Variants in DOCK1 observed in about 807,000 individuals in gnomAD.
DOCK1 encodes dedicator of cytokinesis 1, also known as dedicator of cytokinesis protein 1.
In DOCK1, 138 loss-of-function variants were observed where a neutral mutation model predicts 262.7. The observed-to-expected ratio is 0.53, with a 90% CI of 0.46 to 0.61. The LOEUF (loss-of-function observed/expected upper bound fraction) is 0.61. Among genes scored for constraint, DOCK1 ranks in the 20% least tolerant of loss-of-function variants. DOCK1 has a pLI of 0.00. For synonymous variants in DOCK1, 866 were observed against 867.4 expected (o/e 1.00, Z 0.03); for missense variants, 1,908 against 2,370.7 (o/e 0.80, Z 4.05).
intron 27 of DOCK1, among the ~76,000 whole-genome samples, chr10:127,165,031 C>G (rs1288451105): frequency 6.6e-6 from 1 of 152,192 alleles, no homozygotes; most frequent in Non-Finnish European, 1.5e-5. Flanking sequence ...ATTTTGGTGG[C>G]ACTGGCTATC....
intron 13 of DOCK1, among the ~76,000 whole-genome samples, chr10:127,022,695 C>T (rs549549549): frequency 2.6e-5 from 4 of 152,146 alleles, no homozygotes; most frequent in African/African-American, 4.8e-5. Flanking sequence ...CTCGCCTGGC[C>T]GGTCCTCATT....
intron 12 of DOCK1, 192 bp from the exon 13 acceptor site, chr10:127,018,518 G>C: frequency 1.3e-6 from 1 of 742,924 alleles, no homozygotes; most frequent in Non-Finnish European, 2.1e-6. Context: ...TGGCATCCCA[G>C]CTCGTTGGAT....
At position 127,452,249 on chromosome 10, in the gene DOCK1, C is replaced by T. The variant is rs770016549; in HGVS notation, c.*822C>T. 3.5e-4 allele frequency: 53 copies of T among 152,184 alleles called. No homozygotes were observed. Among genetic ancestry groups the T allele is most frequent in the Non-Finnish European group, 5.1e-4 (35 of 68,000 alleles). 9.4% of individuals were successfully genotyped at this position (152,184 alleles called of 1,614,324 possible). A position where few individuals can be genotyped will look rare whatever the true frequency, so the allele number is the denominator to read the frequency against. ...TGGTCCTTCCGTTTATTATAATAGG[C>T]GTCCACCAATGATTATCCATATGTG... On this transcript the variant is annotated 3_prime_UTR_variant, in exon 52 of 52. Coordinates refer to ENST00000623213, the MANE Select transcript of DOCK1 (RefSeq NM_001290223.2).
intron 27 of DOCK1, among the ~76,000 whole-genome samples, chr10:127,129,316 TTTAAAC>T (rs1441085447): frequency 1.3e-5 from 2 of 152,346 alleles, no homozygotes; most frequent in African/African-American, 2.4e-5. Flanking sequence ...TTTTAAAGTG[TTTAAAC>T]TTAAAGTTTA....
chr10:127,083,411 T>TC (rs35737211), intron 23 of DOCK1, among the ~76,000 whole-genome samples: 2 of 152,178 alleles, frequency 1.3e-5, no homozygotes, highest in Non-Finnish European at 2.9e-5. Flanking sequence ...GCCAGCGATC[T>TC]CCCCACCCTT....
chr10:127,209,756 A>G (rs924528877), intron 27 of DOCK1, among the ~76,000 whole-genome samples: 3 of 152,230 alleles, frequency 2.0e-5, no homozygotes, highest in Non-Finnish European at 2.9e-5. Flanking sequence ...CAAATGGGCA[A>G]TTAAAGGTTA....
intron 18 of DOCK1, 137 bp downstream of exon 18, chr10:127,032,457 G>T: frequency 1.1e-6 from 1 of 921,336 alleles, no homozygotes; most frequent in East Asian, 3.0e-5. Context: ...ATCGGGCTGT[G>T]ATGATTTATC....
chr10:126,935,292 A>T (rs925581827), intron 1 of DOCK1, among the ~76,000 whole-genome samples: 52 of 152,216 alleles, frequency 3.4e-4, no homozygotes, highest in Non-Finnish European at 6.9e-4. Flanking sequence ...GCTTTAATCT[A>T]CACTGTGTTC....
At chr10:127,004,355 G>A (rs2040833041) in intron 10 of DOCK1, among the ~76,000 whole-genome samples, 1 of 152,040 alleles carries the variant, frequency 6.6e-6, no homozygotes, top group African/African-American at 2.4e-5. Context: ...ATTTCATTAT[G>A]TGATCTGGCT....
At chr10:127,211,516 G>A (rs2057973901) in intron 27 of DOCK1, among the ~76,000 whole-genome samples, 1 of 152,178 alleles carries the variant, frequency 6.6e-6, no homozygotes, top group Non-Finnish European at 1.5e-5. Flanking sequence ...AGGACCTGCT[G>A]TTTCACAGAG....
rs1564965522 is a variant in DOCK1 at position 127,286,962 on chromosome 10, A to ATGCCGTTCTCCTGCCTCAG, written c.3044+29533_3044+29534insTGCCGTTCTCCTGCCTCAG. Among the ~76,000 whole-genome samples, 13 of 147,026 alleles carry ATGCCGTTCTCCTGCCTCAG rather than the reference A, an allele frequency of 8.8e-5. 1 individual carries two copies. The highest frequency in any genetic ancestry group is 3.3e-4 in the African/African-American group (13 of 39,710). On this transcript the variant is annotated intron_variant, in intron 29 of 51. Transcript: ENST00000623213. ...ACAATCTCGGCTCACTGCAAGTTCCACCTCCTGGGTTCATGCCGTTCTCCT... is the reference window on the plus strand; with the variant it reads ...ACAATCTCGGCTCACTGCAAGTTCCATGCCGTTCTCCTGCCTCAGCCTCCTGGGTTCATGCCGTTCTCCT...
chr10:127,375,337 T>C (rs2065429587), intron 35 of DOCK1, among the ~76,000 whole-genome samples: 1 of 152,228 alleles, frequency 6.6e-6, no homozygotes, highest in African/African-American at 2.4e-5. Flanking sequence ...TCCTTGCCTG[T>C]CCCATGGCAA....
intron 23 of DOCK1, among the ~76,000 whole-genome samples, chr10:127,104,818 C>T (rs528247821): frequency 7.9e-5 from 12 of 152,164 alleles, no homozygotes; most frequent in Admixed American, 2.6e-4. Context: ...GACTTTCCCC[C>T]GACTGAATTT....
intron 27 of DOCK1, among the ~76,000 whole-genome samples, chr10:127,196,428 G>A (rs1182873184): frequency 4.7e-5 from 7 of 148,640 alleles, no homozygotes; most frequent in African/African-American, 1.7e-4. Flanking sequence ...TCAGAGCCAG[G>A]GCCAGGAGGC....
chr10:127,091,872 G>T (rs2047553517), intron 23 of DOCK1, among the ~76,000 whole-genome samples: 1 of 152,114 alleles, frequency 6.6e-6, no homozygotes, highest in South Asian at 2.1e-4. Flanking sequence ...CCCTGTGGGG[G>T]CCCATTCATG....
At chr10:127,274,794 C>A (rs1437301717) in intron 29 of DOCK1, among the ~76,000 whole-genome samples, 1 of 152,078 alleles carries the variant, frequency 6.6e-6, no homozygotes, top group African/African-American at 2.4e-5. Context: ...CCCATTATGA[C>A]CCTCCTAAGG....
chr10:127,241,481 C>T (rs1046655139), intron 27 of DOCK1, among the ~76,000 whole-genome samples: 2 of 151,978 alleles, frequency 1.3e-5, no homozygotes, highest in African/African-American at 2.4e-5. Flanking sequence ...TTGCTCAGAC[C>T]CTCTGTCTCC....
At chr10:127,116,883 A>G (rs2049218115) in intron 25 of DOCK1, among the ~76,000 whole-genome samples, 1 of 152,184 alleles carries the variant, frequency 6.6e-6, no homozygotes, top group Admixed American at 6.5e-5. Flanking sequence ...GATGAACGGT[A>G]CCAGCTGTGA....
chr10:127,208,903 G>A (rs899140519), intron 27 of DOCK1, among the ~76,000 whole-genome samples: 11 of 152,220 alleles, frequency 7.2e-5, no homozygotes, highest in African/African-American at 2.6e-4. Flanking sequence ...TAAGACTGTG[G>A]AGCTTCCTTA....
Sources: allele counts gnomAD v4.1 joint callset (sites outside exome capture counted in the v4.1 genomes callset), GRCh38; gene constraint gnomAD v4.1.1; transcripts MANE v1.5; gene names NCBI Gene and HGNC (gene_info 2026-07-23, HGNC 2026-07-21).